The following WWC2 variants were observed in gnomAD, a reference collection of about 807,000 sequenced individuals.
The protein encoded by WWC2 is protein WWC2.
A neutral mutation model predicts 138.5 loss-of-function variants in WWC2; 101 were observed. The observed-to-expected ratio is 0.73, with a 90% CI of 0.62 to 0.86. WWC2 has a LOEUF of 0.86. Ranked by LOEUF, WWC2 falls within the 40% of genes least tolerant of loss-of-function variation. The probability of loss-of-function intolerance (pLI) is 0.00; values close to 1 mark genes in which losing one functional copy is unlikely to be tolerated. For synonymous variants in WWC2, 558 were observed against 538.4 expected, an observed-to-expected ratio of 1.04 and a Z score of -0.50; for missense variants, 1,420 against 1,419.4, an observed-to-expected ratio of 1.00 and a Z score of -0.01.
At chr4:183,172,429 T>C (rs1261500780) in intron 1 of WWC2, among the ~76,000 whole-genome samples, 3 of 152,216 alleles carry the variant, frequency 2.0e-5, no homozygotes. Context: ...TCATATGTGA[T>C]TAATATTTTA....
Position 183,280,804 on chromosome 4 carries a change from C to T in WWC2, c.2591C>T (p.Thr864Ile). 1.9e-6 allele frequency: 3 copies of T among 1,604,776 alleles called. No homozygotes were observed. Among genetic ancestry groups the T allele is most frequent in the Non-Finnish European group, 2.6e-6 (3 of 1,175,586 alleles). ...LDAVSALLAR[T>I]SAELLAVEQE... ...GCAGTGTCAGCCTTACTTGCAAGAACATCAGCTGAGTTGTTAGCTGTGGAA... is the reference window on the plus strand; with the variant it reads ...GCAGTGTCAGCCTTACTTGCAAGAATATCAGCTGAGTTGTTAGCTGTGGAA... Residue 864 changes from threonine (T) to isoleucine (I), a missense_variant, in exon 17 of 23, where the codon ACA becomes ATA. Coordinates refer to ENST00000403733, the MANE Select transcript of WWC2 (RefSeq NM_024949.6).
chr4:183,226,766 A>G (rs759650991), intron 4 of WWC2, among the ~76,000 whole-genome samples: 2 of 152,086 alleles, frequency 1.3e-5, no homozygotes, highest in African/African-American at 2.4e-5. Context: ...TTATCCAACC[A>G]TTCAGTGGAC....
intron 1 of WWC2, among the ~76,000 whole-genome samples, chr4:183,122,092 AT>A (rs568591885): frequency 6.6e-6 from 1 of 151,672 alleles, no homozygotes; most frequent in Non-Finnish European, 1.5e-5. Flanking sequence ...GCCAAGAAGC[AT>A]TTTTTTTCTG....
chr4:183,240,681 GTCTC>G (rs150453410), intron 5 of WWC2: 32 of 152,396 alleles, frequency 2.1e-4, no homozygotes, highest in African/African-American at 6.1e-4. Flanking sequence ...AGGCGTGTCT[GTCTC>G]TCTCTCTCTC....
intron 2 of WWC2, among the ~76,000 whole-genome samples, chr4:183,204,508 C>G (rs1735389322): frequency 6.6e-6 from 1 of 152,162 alleles, no homozygotes; most frequent in Admixed American, 6.5e-5. Context: ...CTGGTAGTGG[C>G]AAAGGATTTT....
At chr4:183,305,139 A>G (rs1439121507) in intron 21 of WWC2, among the ~76,000 whole-genome samples, 6 of 152,222 alleles carry the variant, frequency 3.9e-5, no homozygotes. Context: ...ACTCACGGGC[A>G]CACTGGACAT....
chr4:183,251,563 A>G (rs900534711), intron 8 of WWC2, among the ~76,000 whole-genome samples: 3 of 152,172 alleles, frequency 2.0e-5, no homozygotes, highest in African/African-American at 7.2e-5. Context: ...CAAATTTGGA[A>G]CACTCCTTCT....
At chr4:183,245,237 A>G (rs1318879603) in intron 5 of WWC2, among the ~76,000 whole-genome samples, 179 bp from the exon 6 acceptor site, 1 of 150,838 alleles carries the variant, frequency 6.6e-6, no homozygotes, top group Non-Finnish European at 1.5e-5. Context: ...AAAAAAAAAA[A>G]AAAAAAAAAA....
intron 1 of WWC2, among the ~76,000 whole-genome samples, chr4:183,126,285 G>A (rs1400266679): frequency 6.6e-6 from 1 of 152,206 alleles, no homozygotes; most frequent in African/African-American, 2.4e-5. Flanking sequence ...GGTAATGTCA[G>A]TGTTTCTCTT....
In WWC2 at chr4:183,269,028, A is replaced by G. The variant is rs1236298564; in HGVS notation, c.2265A>G (p.Thr755=). The G allele has an allele frequency of 6.2e-7, 1 of 1,613,942 alleles. No individual in the cohort carries two copies. Among genetic ancestry groups the G allele is most frequent in the Admixed American group, 1.7e-5 (1 of 60,018 alleles). The change falls in exon 15 of 23, where the codon ACA becomes ACG. Residue 755 remains threonine (T), a synonymous_variant. Coordinates refer to ENST00000403733, the MANE Select transcript of WWC2 (RefSeq NM_024949.6). The part of the protein sequence containing the change: ...SSTDVSCLFR[T]KVHPPTESIL... ...CTGATGTCAGCTGTCTGTTTCGCAC[A>G]AAAGTTCATCCGCCCACAGAATCCA... is the stretch of plus-strand genomic sequence containing the variant.
intron 11 of WWC2, among the ~76,000 whole-genome samples, chr4:183,262,970 C>G (rs183937369): frequency 6.6e-6 from 1 of 152,242 alleles, no homozygotes; most frequent in African/African-American, 2.4e-5. Flanking sequence ...GGATTTAATG[C>G]AGTGATAACA....
intron 11 of WWC2, among the ~76,000 whole-genome samples, chr4:183,261,832 A>G (rs1470287468): frequency 6.6e-6 from 1 of 152,206 alleles, no homozygotes; most frequent in Non-Finnish European, 1.5e-5. Context: ...TTCCAAGTAG[A>G]TTCCAGTTCT....
intron 1 of WWC2, among the ~76,000 whole-genome samples, chr4:183,161,677 A>ACAAATAGCTACACAAATAC: frequency 1.3e-5 from 2 of 152,240 alleles, no homozygotes; most frequent in African/African-American, 4.8e-5. Context: ...AATACTTACC[A>ACAAATAGCTACACAAATAC]TTGCGTTACA....
intron 2 of WWC2, among the ~76,000 whole-genome samples, chr4:183,202,824 C>T (rs1234476793): frequency 2.0e-5 from 3 of 152,180 alleles, no homozygotes; most frequent in Non-Finnish European, 4.4e-5. Context: ...TCTCTGGAGT[C>T]AAGGCTGGGG....
In WWC2 at chr4:183,254,100, T is replaced by G. The variant is rs1328069369; in HGVS notation, c.1196+101T>G. On this transcript the variant is annotated intron_variant, in intron 9 of 22. Coordinates refer to ENST00000403733, the MANE Select transcript of WWC2 (RefSeq NM_024949.6). Reference sequence around the variant, plus strand: ...TTGGAAATCTCAATTGCATCTGTTCTTAGTGGACTGAGAAACAGCACAAAT... The same window carrying G: ...TTGGAAATCTCAATTGCATCTGTTCGTAGTGGACTGAGAAACAGCACAAAT... 7 of 1,479,324 alleles carry G rather than the reference T, an allele frequency of 4.7e-6. No individual in the cohort carries two copies. In the African/African-American group the frequency reaches 9.9e-5, roughly 21 times the overall value. The allele number at this position is 1,479,324 out of a possible 1,614,324, so 91.6% of individuals were successfully genotyped here.
intron 16 of WWC2, 151 bp from the exon 17 acceptor site, chr4:183,280,625 T>G: frequency 1.1e-6 from 1 of 891,462 alleles, no homozygotes; most frequent in Non-Finnish European, 1.6e-6. Flanking sequence ...TTTGCTTGTT[T>G]TGGGTTCTAT....
intron 1 of WWC2, among the ~76,000 whole-genome samples, chr4:183,171,644 A>C (rs1444699261): frequency 2.7e-5 from 1 of 36,608 alleles, no homozygotes; most frequent in Non-Finnish European, 5.4e-5. Flanking sequence ...GTAAATGATT[A>C]ACAAACACTC....
chr4:183,283,926 A>G (rs1425762350), intron 18 of WWC2, among the ~76,000 whole-genome samples: 3 of 152,274 alleles, frequency 2.0e-5, no homozygotes, highest in Middle Eastern at 3.4e-3. Context: ...TTTATGTTCA[A>G]CCCTTTGGAG....
At chr4:183,154,035 A>T (rs1011705742) in intron 1 of WWC2, among the ~76,000 whole-genome samples, 5 of 149,224 alleles carry the variant, frequency 3.4e-5, no homozygotes, top group African/African-American at 1.2e-4. Flanking sequence ...AAAACCCCAA[A>T]TCTAATTCAT....
Sources: allele counts gnomAD v4.1 joint callset (sites outside exome capture counted in the v4.1 genomes callset), GRCh38; gene constraint gnomAD v4.1.1; transcripts MANE v1.5; gene names NCBI Gene and HGNC (gene_info 2026-07-23, HGNC 2026-07-21).